ACBD7: variants seen among roughly 807,000 people sequenced by gnomAD.
ACBD7 encodes the protein acyl-CoA binding domain containing 7.
A neutral mutation model predicts 13.7 loss-of-function variants in ACBD7; 11 were observed. The observed-to-expected ratio is 0.80, with a 90% CI of 0.50 to 1.33. The LOEUF is 1.33. Among genes scored for constraint, ACBD7 ranks in the 40% most tolerant of loss-of-function variants. The pLI is 0.00. For missense variants in ACBD7, 111 were observed against 103.0 expected (o/e 1.08, Z -0.33); for synonymous variants, 43 against 37.7 (o/e 1.14, Z -0.51).
At position 15,075,619 on chromosome 10, in the gene ACBD7, C is replaced by T. The variant is rs1033022884; in HGVS notation, c.*2911G>A. On this transcript the variant is annotated 3_prime_UTR_variant, in exon 4 of 4. Transcript: ENST00000356189. ...CCCTCCTGCTGCCCTTTTAAAGCCACACCCACCTCCCTCCTCCCTGGCAAC... is the reference window on the plus strand; with the variant it reads ...CCCTCCTGCTGCCCTTTTAAAGCCATACCCACCTCCCTCCTCCCTGGCAAC... Among the ~76,000 whole-genome samples, 43 of 152,128 alleles carry T rather than the reference C, an allele frequency of 2.8e-4. No homozygotes were observed. Among genetic ancestry groups the T allele is most frequent in the African/African-American group, 9.9e-4 (41 of 41,420 alleles).
chr10:15,080,511 C>T (rs1188711443), intron 1 of ACBD7, among the ~76,000 whole-genome samples: 2 of 152,116 alleles, frequency 1.3e-5, no homozygotes, highest in Admixed American at 6.6e-5. Context: ...ACCTGGGAGG[C>T]GGAGGTTGCA....
At chr10:15,082,502 C>A (rs2063023152) in intron 1 of ACBD7, among the ~76,000 whole-genome samples, 5 of 152,092 alleles carry the variant, frequency 3.3e-5, no homozygotes, top group African/African-American at 1.2e-4. Flanking sequence ...TTTGTACTCT[C>A]CAAATCTTCT....
chr10:15,087,047 G>A (rs1394997726), intron 1 of ACBD7, among the ~76,000 whole-genome samples: 2 of 151,592 alleles, frequency 1.3e-5, no homozygotes, highest in African/African-American at 4.9e-5. Context: ...AGGTGTGGTG[G>A]CAGGTGCCTG....
At chr10:15,087,204 C>T (rs1239682762) in intron 1 of ACBD7, among the ~76,000 whole-genome samples, 5 of 151,968 alleles carry the variant, frequency 3.3e-5, no homozygotes, top group Admixed American at 3.3e-4. Flanking sequence ...AAATGTTCCA[C>T]CACAAGCTTA....
chr10:15,084,603 T>C (rs768511510), intron 1 of ACBD7, among the ~76,000 whole-genome samples: 9 of 152,334 alleles, frequency 5.9e-5, no homozygotes, highest in Non-Finnish European at 7.3e-5. Context: ...TTTTCTGTGC[T>C]TAAACGCCCT....
At chr10:15,083,095 C>T (rs1844768827) in intron 1 of ACBD7, among the ~76,000 whole-genome samples, 2 of 152,164 alleles carry the variant, frequency 1.3e-5, no homozygotes, top group African/African-American at 4.8e-5. Context: ...CCCCTCTGCA[C>T]AGAAGAGCTA....
At chr10:15,081,193 C>T (rs557647179) in intron 1 of ACBD7, among the ~76,000 whole-genome samples, 2 of 151,780 alleles carry the variant, frequency 1.3e-5, no homozygotes, top group Non-Finnish European at 2.9e-5. Flanking sequence ...ATACTAAAAG[C>T]AGAAAGAGCA....
intron 1 of ACBD7, among the ~76,000 whole-genome samples, chr10:15,082,582 A>G (rs1844762580): frequency 6.6e-6 from 1 of 152,196 alleles, no homozygotes; most frequent in African/African-American, 2.4e-5. Context: ...GAGCTGCTTG[A>G]GGGCAAGGCT....
At chr10:15,079,744 A>T (rs765467635) in intron 1 of ACBD7, among the ~76,000 whole-genome samples, 1 of 151,518 alleles carries the variant, frequency 6.6e-6, no homozygotes, top group Non-Finnish European at 1.5e-5. Context: ...GCGCCTGGCT[A>T]AGTTTTGTAT....
At chr10:15,085,948 T>C (rs1020531581) in intron 1 of ACBD7, among the ~76,000 whole-genome samples, 6 of 152,170 alleles carry the variant, frequency 3.9e-5, no homozygotes, top group Non-Finnish European at 5.9e-5. Flanking sequence ...TCCCCGCACA[T>C]GCCAGTGAGG....
rs1321449850 is a variant in ACBD7, at chr10:15,076,614, T to C, written c.*1916A>G. On this transcript the variant is annotated 3_prime_UTR_variant, in exon 4 of 4. Coordinates refer to ENST00000356189, the MANE Select transcript of ACBD7 (RefSeq NM_001039844.3). ...ATCTCCTGGGTAAAAGCAATTCTCC[T>C]GCCTCAGCCTCCCAAGTAGCTGGAA... The C allele has an allele frequency of 1.1e-5, 7 of 634,752 alleles. No individual in the cohort carries two copies. The allele number at this position is 634,752 out of a possible 1,614,324, so 39.3% of individuals were successfully genotyped here.
chr10:15,079,081 C>A, intron 1 of ACBD7, 41 bp from the exon 2 acceptor site: 1 of 1,409,768 alleles, frequency 7.1e-7, no homozygotes, highest in Non-Finnish European at 9.9e-7. Flanking sequence ...GAGCATTTTA[C>A]CACCAAGGAA....
chr10:15,078,070 G>C lies in ACBD7; in HGVS notation c.*460C>G, dbSNP rs1844704654. 2 of 162,810 alleles carry C rather than the reference G, an allele frequency of 1.2e-5. No homozygotes were observed. Among genetic ancestry groups the C allele is most frequent in the East Asian group, 3.3e-4 (2 of 6,022 alleles). The allele number at this position is 162,810 out of a possible 1,614,324, so 10.1% of individuals were successfully genotyped here. ...TCAACCGGTCACCTACATCAGGTAT[G>C]TCTCCTAATGTTATCCCTCCCCTAA... On this transcript the variant is annotated 3_prime_UTR_variant, in exon 4 of 4. Coordinates refer to ENST00000356189, the MANE Select transcript of ACBD7 (RefSeq NM_001039844.3).
chr10:15,088,289 C>G (rs1844832318), intron 1 of ACBD7: 1 of 183,546 alleles, frequency 5.4e-6, no homozygotes, highest in African/African-American at 2.3e-5. Context: ...CCACCCTTAA[C>G]AATTTTTTTC....
Position 15,088,713 on chromosome 10 carries a change from G to T in ACBD7, c.12+4C>A. 2.5e-6 allele frequency: 4 copies of T among 1,597,590 alleles called. No individual in the cohort carries two copies. Among genetic ancestry groups the T allele is most frequent in the Non-Finnish European group, 3.4e-6 (4 of 1,175,480 alleles). ...CCCGCGTGGCCTCCCCGCGCCCCGG[G>T]TACCTGCAGGGCCATGGTGGCGGCT... On this transcript the variant is annotated splice_donor_region_variant and intron_variant, in intron 1 of 3. Transcript: ENST00000356189.
At chr10:15,087,004 ACT>A (rs1844817049) in intron 1 of ACBD7, among the ~76,000 whole-genome samples, 2 of 135,538 alleles carry the variant, frequency 1.5e-5, no homozygotes, top group South Asian at 4.7e-4. Flanking sequence ...CAAGAGTGAA[ACT>A]CCATCTCAAA....
intron 1 of ACBD7, among the ~76,000 whole-genome samples, chr10:15,087,996 C>T (rs1844829081): frequency 6.6e-6 from 1 of 152,006 alleles, no homozygotes; most frequent in Non-Finnish European, 1.5e-5. Context: ...CAGAATGAGA[C>T]TCTGTCTCAA....
chr10:15,087,845 G>A (rs149421461), intron 1 of ACBD7, among the ~76,000 whole-genome samples: 1,522 of 151,462 alleles, frequency 0.01, 9 homozygotes, highest in Non-Finnish European at 0.018. Flanking sequence ...AAAATCAGCC[G>A]GGCGTGGTGG....
intron 1 of ACBD7, among the ~76,000 whole-genome samples, chr10:15,086,775 A>T (rs931521904): frequency 6.6e-6 from 1 of 152,160 alleles, no homozygotes; most frequent in African/African-American, 2.4e-5. Context: ...GCACTTTGGG[A>T]GGCTGAGGCG....
Sources: allele counts gnomAD v4.1 joint callset (sites outside exome capture counted in the v4.1 genomes callset), GRCh38; gene constraint gnomAD v4.1.1; transcripts MANE v1.5; gene names NCBI Gene and HGNC (gene_info 2026-07-23, HGNC 2026-07-21).